The following SYNPR variants were observed in gnomAD, a reference collection of about 807,000 sequenced individuals.
SYNPR encodes the protein synaptoporin.
SYNPR carries 23 observed loss-of-function variants against 32.9 expected under a neutral mutation model. The ratio of observed to expected loss-of-function variants is 0.70; its 90% CI spans 0.50 to 0.99. The LOEUF (loss-of-function observed/expected upper bound fraction) is 0.99, where lower values mean the gene tolerates loss of function less well. Ranked by LOEUF, SYNPR falls within the 50% of genes least tolerant of loss-of-function variation. SYNPR has a pLI of 0.00. For synonymous variants in SYNPR, 146 were observed against 135.9 expected (o/e 1.07, Z -0.52); for missense variants, 318 against 349.3 (o/e 0.91, Z 0.71).
Position 63,503,399 on chromosome 3 carries a change from T to C in SYNPR, c.209+22443T>C, listed in dbSNP as rs929735457. 7.8e-4 allele frequency among the ~76,000 whole-genome samples: 119 copies of C among 152,262 alleles called. 1 individual carries two copies. Among genetic ancestry groups the C allele is most frequent in the African/African-American group, 2.8e-3 (116 of 41,570 alleles). On this transcript the variant is annotated intron_variant, in intron 3 of 5. Transcript: ENST00000478300. ...ATATTTTCTCCAAGTCTATGGCTTG[T>C]CTTCTTCATTCTCTTTATAATCTAG... is the stretch of plus-strand genomic sequence containing the variant.
chr3:63,325,263 C>G (rs573672071), intron 2 of SYNPR, among the ~76,000 whole-genome samples: 2 of 152,044 alleles, frequency 1.3e-5, no homozygotes, highest in African/African-American at 4.8e-5. Flanking sequence ...TTCACATGTA[C>G]CAAGCATTTG....
the SYNPR span, among the ~76,000 whole-genome samples, chr3:63,222,553 G>A: frequency 1.3e-5 from 2 of 152,042 alleles, no homozygotes; most frequent in Non-Finnish European, 1.5e-5. Flanking sequence ...GGGTCTTGCT[G>A]TCACTCAGGG....
chr3:63,247,707 T>A (rs891480040), intron 1 of SYNPR, among the ~76,000 whole-genome samples: 6 of 152,158 alleles, frequency 3.9e-5, no homozygotes, highest in Non-Finnish European at 8.8e-5. Flanking sequence ...CCAATCCTTC[T>A]TTCCCAAACC....
At chr3:63,490,530 GGAGGCAGCAGA>G (rs2106714935) in intron 3 of SYNPR, among the ~76,000 whole-genome samples, 1 of 152,184 alleles carries the variant, frequency 6.6e-6, no homozygotes, top group South Asian at 2.1e-4. Flanking sequence ...GGCCCAGGGT[GGAGGCAGCAGA>G]GAGGGAAGGC....
the SYNPR span, among the ~76,000 whole-genome samples, chr3:63,219,928 G>A: frequency 1.3e-5 from 2 of 152,090 alleles, no homozygotes; most frequent in Non-Finnish European, 2.9e-5. Context: ...GCATATAAGT[G>A]GATCCATACA....
chr3:63,224,223 C>T (rs142701633), upstream of SYNPR, among the ~76,000 whole-genome samples: 31 of 152,294 alleles, frequency 2.0e-4, no homozygotes, highest in African/African-American at 7.2e-4. Context: ...TCAGCTGCAG[C>T]ATTAGATTCT....
chr3:63,232,191 A>T (rs1389534515), intron 1 of SYNPR, among the ~76,000 whole-genome samples: 217 of 76,208 alleles, frequency 2.8e-3, no homozygotes, highest in Non-Finnish European at 4.9e-3. Flanking sequence ...TCAGATTCTG[A>T]CTTTTTTTTT....
chr3:63,335,439 G>C (rs1178847284), intron 2 of SYNPR, among the ~76,000 whole-genome samples: 3 of 151,762 alleles, frequency 2.0e-5, no homozygotes, highest in Non-Finnish European at 2.9e-5. Flanking sequence ...ACTGGCACGT[G>C]AAGAAAATCA....
chr3:63,488,697 G>A (rs947839685), intron 3 of SYNPR, among the ~76,000 whole-genome samples: 1 of 152,058 alleles, frequency 6.6e-6, no homozygotes, highest in Non-Finnish European at 1.5e-5. Context: ...TGTTGTTGTT[G>A]TTATTATTAA....
intron 4 of SYNPR, among the ~76,000 whole-genome samples, chr3:63,580,089 AAAG>A (rs1250985710): frequency 1.3e-5 from 2 of 152,170 alleles, no homozygotes; most frequent in African/African-American, 4.8e-5. Flanking sequence ...ATTGAGAACC[AAAG>A]AAGTTGGTGA....
chr3:63,244,910 A>G (rs2086273286), intron 1 of SYNPR, among the ~76,000 whole-genome samples: 1 of 152,120 alleles, frequency 6.6e-6, no homozygotes, highest in Admixed American at 6.6e-5. Context: ...TGTACAGTTC[A>G]CATGACTGGT....
At chr3:63,411,914 A>G (rs2088471815) in intron 2 of SYNPR, among the ~76,000 whole-genome samples, 1 of 152,090 alleles carries the variant, frequency 6.6e-6, no homozygotes, top group Admixed American at 6.6e-5. Flanking sequence ...CTAAAATGCC[A>G]TTTTGACCAT....
chr3:63,390,659 C>A (rs910893914), intron 2 of SYNPR, among the ~76,000 whole-genome samples: 1 of 152,208 alleles, frequency 6.6e-6, no homozygotes, highest in African/African-American at 2.4e-5. Flanking sequence ...CCCATTCCTT[C>A]ACACATTCCC....
In SYNPR at chr3:63,299,047, C is replaced by T. The variant is rs372384032; in HGVS notation, c.84+20305C>T. Among the ~76,000 whole-genome samples the T allele has an allele frequency of 6.6e-5, 10 of 152,254 alleles. 1 individual carries two copies. Among genetic ancestry groups the T allele is most frequent in the African/African-American group, 2.4e-4 (10 of 41,558 alleles). On this transcript the variant is annotated intron_variant, in intron 2 of 5. Transcript: ENST00000478300. ...ACAGATATTCCTCAAATAGTTGCTGCATTCTCCACCTTGCTTTGTCTGAGC... is the reference window on the plus strand; with the variant it reads ...ACAGATATTCCTCAAATAGTTGCTGTATTCTCCACCTTGCTTTGTCTGAGC...
At chr3:63,544,536 A>G (rs1208433498) in intron 3 of SYNPR, among the ~76,000 whole-genome samples, 1 of 152,132 alleles carries the variant, frequency 6.6e-6, no homozygotes, top group African/African-American at 2.4e-5. Flanking sequence ...ACCCAGCAAG[A>G]GTTCTGTTAA....
At chr3:63,429,848 A>G (rs1428871597) in intron 2 of SYNPR, among the ~76,000 whole-genome samples, 3 of 152,164 alleles carry the variant, frequency 2.0e-5, no homozygotes, top group Non-Finnish European at 2.9e-5. Context: ...TGGGGCTCTA[A>G]GTGTGCCTTC....
At chr3:63,332,053 T>C (rs1230692390) in intron 2 of SYNPR, among the ~76,000 whole-genome samples, 7 of 152,228 alleles carry the variant, frequency 4.6e-5, no homozygotes, top group African/African-American at 1.7e-4. Context: ...TTCTGAGGCA[T>C]GTTCCTTTCA....
At chr3:63,264,255 A>G (rs1415724092) in intron 2 of SYNPR, among the ~76,000 whole-genome samples, 1 of 152,210 alleles carries the variant, frequency 6.6e-6, no homozygotes, top group East Asian at 1.9e-4. Flanking sequence ...TCTATCTGAT[A>G]TTGGGTAGAT....
intron 2 of SYNPR, among the ~76,000 whole-genome samples, chr3:63,381,537 G>T (rs1575617504): frequency 1.3e-5 from 2 of 152,290 alleles, no homozygotes; most frequent in East Asian, 3.9e-4. Context: ...TTTCTTCACA[G>T]AACTGGAAAA....
Sources: gnomAD v4.1 joint callset for allele counts (sites outside exome capture counted in the v4.1 genomes callset) on GRCh38, gnomAD v4.1.1 for gene constraint, MANE v1.5 for transcripts, NCBI Gene and HGNC (gene_info 2026-07-23, HGNC 2026-07-21) for gene names.